SERPINA12: variants seen among roughly 807,000 people sequenced by gnomAD.
SERPINA12 encodes the protein serpin A12.
A neutral mutation model predicts 25.9 loss-of-function variants in SERPINA12; 21 were observed. The observed-to-expected ratio is 0.81, with a 90% CI of 0.58 to 1.17. The LOEUF (loss-of-function observed/expected upper bound fraction) is 1.17, where lower values mean the gene tolerates loss of function less well. Ranked by LOEUF, SERPINA12 falls within the 50% of genes most tolerant of loss-of-function variation. The pLI, the probability that SERPINA12 is intolerant of heterozygous loss-of-function variation, is 0.00. For synonymous variants in SERPINA12, 220 were observed against 196.0 expected (o/e 1.12, Z -1.02); for missense variants, 562 against 508.3 (o/e 1.11, Z -1.02).
At chr14:94,509,918 T>G (rs1274195464), upstream of SERPINA12, 2 of 922,576 alleles carry the variant, frequency 2.2e-6, no homozygotes, top group Non-Finnish European at 1.3e-6. Context: ...CAGGAATGGG[T>G]GTGGGCACCC....
At chr14:94,488,342 C>T (rs559429089) in intron 4 of SERPINA12, among the ~76,000 whole-genome samples, 1 of 152,128 alleles carries the variant, frequency 6.6e-6, no homozygotes, top group Non-Finnish European at 1.5e-5. Context: ...GAACCTCCCA[C>T]TTTATCTCCA....
Position 94,489,471 on chromosome 14 carries a change from G to A in SERPINA12, c.1053+149C>T, listed in dbSNP as rs528467498. Reference sequence around the variant, plus strand: ...GTTATGTGGTTTGCCCAGGATCACGGGGTTGGTAAGGGGCACAGCTGCATT... The same window carrying A: ...GTTATGTGGTTTGCCCAGGATCACGAGGTTGGTAAGGGGCACAGCTGCATT... On this transcript the variant is annotated intron_variant, in intron 4 of 4. Transcript: ENST00000677451. The A allele has an allele frequency of 5.6e-5, 45 of 796,910 alleles. No homozygotes were observed. The South Asian group carries it at 7.7e-4, about 14-fold the overall frequency. 49.4% of individuals were successfully genotyped at this position (796,910 alleles called of 1,614,324 possible).
chr14:94,496,759 A>G, intron 2 of SERPINA12, 116 bp from the exon 3 acceptor site: 1 of 857,366 alleles, frequency 1.2e-6, no homozygotes, highest in Non-Finnish European at 1.8e-6. Context: ...ATATTCCGGG[A>G]TATCAGGGAA....
chr14:94,495,424 A>C (rs940233949), intron 3 of SERPINA12, among the ~76,000 whole-genome samples: 48 of 152,126 alleles, frequency 3.2e-4, no homozygotes, highest in Admixed American at 3.1e-3. Flanking sequence ...TGCATTCTGG[A>C]ATGCCTCCAA....
At chr14:94,496,737 G>C in intron 2 of SERPINA12, 94 bp from the exon 3 acceptor site, 1 of 1,032,684 alleles carries the variant, frequency 9.7e-7, no homozygotes, top group Non-Finnish European at 1.5e-6. Flanking sequence ...CACAGATTCA[G>C]GGTGAAAGGG....
chr14:94,494,496 G>C (rs1900311428), intron 3 of SERPINA12, among the ~76,000 whole-genome samples: 2 of 152,298 alleles, frequency 1.3e-5, no homozygotes, highest in South Asian at 4.1e-4. Context: ...TTATGGAAGG[G>C]GGGAGCTAAG....
At position 94,487,499 on chromosome 14, in the gene SERPINA12, G is replaced by A. The variant is rs200583511; in HGVS notation, c.1054-5C>T. ...CAGCTCAGCCTTGTGCACAGCCTAC[G>A]GAAGCCAAGGGCAAAGTCAAGGTCT... On this transcript the variant is annotated splice_region_variant and splice_polypyrimidine_tract_variant and intron_variant, in intron 4 of 4. Coordinates refer to ENST00000677451, the MANE Select transcript of SERPINA12 (RefSeq NM_001382267.1). The A allele has an allele frequency of 3.7e-3, 5,965 of 1,597,914 alleles. 15 individuals carry two copies. The highest frequency in any genetic ancestry group is 4.4e-3 in the Non-Finnish European group (5,199 of 1,172,366).
chr14:94,509,678 C>A (rs116593641), upstream of SERPINA12, among the ~76,000 whole-genome samples: 316 of 152,304 alleles, frequency 2.1e-3, 1 homozygote, highest in African/African-American at 7.3e-3. Flanking sequence ...TCTCTCCCAT[C>A]CCAAATAGCA....
chr14:94,496,484 T>G lies in SERPINA12; in HGVS notation c.794A>C (p.Gln265Pro). 6.2e-7 allele frequency: 1 copy of G among 1,614,170 alleles called. No individual in the cohort carries two copies. Among genetic ancestry groups the G allele is most frequent in the Non-Finnish European group, 8.5e-7 (1 of 1,180,024 alleles). The part of the protein sequence containing the change: ...LSCTILEIPY[Q>P]KNITAIFILP... ...GATGAAGATGGCTGTGATATTTTTC[T>G]GGTAGGGTATTTCCAGGATGGTGCA... Residue 265 changes from glutamine (Q) to proline (P), a missense_variant, in exon 3 of 5, where the codon CAG (glutamine) becomes CCG (proline). Physicochemically the swap from Gln to Pro is moderately conservative, Grantham distance 76. Transcript: ENST00000677451.
chr14:94,489,131 GGA>G (rs775827555), intron 4 of SERPINA12, among the ~76,000 whole-genome samples: 4 of 131,096 alleles, frequency 3.1e-5, no homozygotes, highest in African/African-American at 8.6e-5. Context: ...AAGGAAGGAA[GGA>G]AGAGAGAGAG....
intron 1 of SERPINA12, 104 bp from the exon 2 acceptor site, chr14:94,498,534 A>C (rs1900573291): frequency 2.2e-6 from 2 of 923,136 alleles, no homozygotes; most frequent in Non-Finnish European, 3.2e-6. Context: ...TGTGTTGTAC[A>C]TAGCAGTTTA....
intron 1 of SERPINA12, among the ~76,000 whole-genome samples, chr14:94,505,887 G>A (rs1472974972): frequency 3.9e-5 from 6 of 152,196 alleles, no homozygotes; most frequent in Admixed American, 6.5e-5. Flanking sequence ...GTGGGCTGCC[G>A]GCCAGCCAGG....
intron 3 of SERPINA12, among the ~76,000 whole-genome samples, chr14:94,491,257 C>T (rs183486939): frequency 1.3e-5 from 2 of 152,186 alleles, no homozygotes; most frequent in Admixed American, 1.3e-4. Context: ...CATGTACTAG[C>T]GGTATGCAGA....
At chr14:94,501,082 C>G in intron 1 of SERPINA12, 1 of 985,340 alleles carries the variant, frequency 1.0e-6, no homozygotes, top group African/African-American at 1.7e-5. Context: ...CTGCTGAAAA[C>G]AGATTGTAGA....
chr14:94,504,835 T>C (rs973123923), intron 1 of SERPINA12, among the ~76,000 whole-genome samples: 2 of 152,214 alleles, frequency 1.3e-5, no homozygotes, highest in African/African-American at 2.4e-5. Context: ...TCCCCCTTAC[T>C]TTTCTATATT....
chr14:94,497,720 G>A (rs1566809344), intron 2 of SERPINA12, 44 bp downstream of exon 2: 1 of 1,541,338 alleles, frequency 6.5e-7, no homozygotes, highest in East Asian at 2.3e-5. Context: ...CCCAAGTCTA[G>A]TGGTCATCCT....
At chr14:94,501,460 G>A (rs1214236331) in intron 1 of SERPINA12, among the ~76,000 whole-genome samples, 1 of 152,224 alleles carries the variant, frequency 6.6e-6, no homozygotes, top group East Asian at 1.9e-4. Flanking sequence ...ACATTGTCAA[G>A]TTTCAGAAAC....
At position 94,489,149 on chromosome 14, in the gene SERPINA12, GAGAA is replaced by G. The variant is rs531509590; in HGVS notation, c.1053+467_1053+470del. ...GAAGGAAGGAAGAGAGAGAGAGAGA[GAGAA>G]AGAAAGAAAGAAAGAAAAAAAGAGA... On this transcript the variant is annotated intron_variant, in intron 4 of 4. Transcript: ENST00000677451. Among the ~76,000 whole-genome samples, 532 of 145,928 alleles carry G rather than the reference GAGAA, an allele frequency of 3.6e-3. 10 individuals carry two copies. The East Asian group carries it at 0.052, about 14-fold the overall frequency.
intron 1 of SERPINA12, chr14:94,501,099 A>G (rs1214134081): frequency 2.0e-6 from 2 of 985,250 alleles, no homozygotes; most frequent in Non-Finnish European, 2.4e-6. Flanking sequence ...TAGAAGAGAA[A>G]TTAGTAAAAT....
Sources: gnomAD v4.1 joint callset for allele counts (sites outside exome capture counted in the v4.1 genomes callset) on GRCh38, gnomAD v4.1.1 for gene constraint, MANE v1.5 for transcripts, NCBI Gene and HGNC (gene_info 2026-07-23, HGNC 2026-07-21) for gene names.